Variants in OSBPL10 observed in about 807,000 individuals in gnomAD.
OSBPL10 encodes oxysterol-binding protein-related protein 10.
OSBPL10 carries 49 observed loss-of-function variants against 81.7 expected under a neutral mutation model. That is an observed-to-expected ratio of 0.60 (90% CI 0.48 to 0.76). The LOEUF (loss-of-function observed/expected upper bound fraction) is 0.76. OSBPL10 is among the 30% of genes least tolerant of loss of function. The pLI is 0.00. For missense variants in OSBPL10, 923 were observed against 987.8 expected (o/e 0.93, Z 0.88); for synonymous variants, 419 against 383.6 (o/e 1.09, Z -1.08).
chr3:31,832,680 T>C (rs1478531030), intron 3 of OSBPL10, among the ~76,000 whole-genome samples: 1 of 152,204 alleles, frequency 6.6e-6, no homozygotes, highest in African/African-American at 2.4e-5. Flanking sequence ...TAACAGGGGC[T>C]AATTTGGCAA....
chr3:31,936,856 A>C (rs190260982), intron 1 of OSBPL10, among the ~76,000 whole-genome samples: 233 of 152,362 alleles, frequency 1.5e-3, no homozygotes, highest in African/African-American at 5.4e-3. Flanking sequence ...GACATGACTT[A>C]TCACACCGTG....
At chr3:31,962,003 G>A (rs529401116) in intron 1 of OSBPL10, among the ~76,000 whole-genome samples, 86 of 151,502 alleles carry the variant, frequency 5.7e-4, no homozygotes, top group African/African-American at 2.0e-3. Flanking sequence ...CGCCCAGGCT[G>A]GAGTGCAGTG....
At chr3:31,774,458 G>C (rs565845437) in intron 4 of OSBPL10, among the ~76,000 whole-genome samples, 1 of 152,254 alleles carries the variant, frequency 6.6e-6, no homozygotes, top group African/African-American at 2.4e-5. Context: ...AGGCAGATGG[G>C]CAAGTGGAGG....
chr3:32,025,288 T>C (rs1349627281), intron 2 of OSBPL10, among the ~76,000 whole-genome samples: 1 of 152,224 alleles, frequency 6.6e-6, no homozygotes, highest in Non-Finnish European at 1.5e-5. Context: ...GTATATCACA[T>C]TAATTGATTT....
chr3:31,833,884 C>T (rs189145910), intron 3 of OSBPL10, among the ~76,000 whole-genome samples: 10 of 152,204 alleles, frequency 6.6e-5, no homozygotes, highest in East Asian at 3.9e-4. Flanking sequence ...AATTATTCCA[C>T]GGTGGATGTC....
At chr3:31,715,781 T>C (rs1296243558) in intron 6 of OSBPL10, among the ~76,000 whole-genome samples, 6 of 152,230 alleles carry the variant, frequency 3.9e-5, no homozygotes, top group African/African-American at 7.2e-5. Flanking sequence ...ATATCCACAG[T>C]TGAAATCATT....
intron 2 of OSBPL10, among the ~76,000 whole-genome samples, chr3:31,993,603 A>G (rs1699058003): frequency 6.6e-6 from 1 of 152,174 alleles, no homozygotes; most frequent in South Asian, 2.1e-4. Flanking sequence ...GATGTTCAAC[A>G]TTACTAGTCA....
In OSBPL10 at chr3:31,683,833, G is replaced by C. The variant is rs761459478; in HGVS notation, c.1527C>G (p.Ala509=). The C allele has an allele frequency of 6.2e-7, 1 of 1,614,240 alleles. No homozygotes were observed. Among genetic ancestry groups the C allele is most frequent in the Non-Finnish European group, 8.5e-7 (1 of 1,180,052 alleles). ...CGGCCATTGGGTGTTCGTGACAGCTGGCAGGAGAGCGGGAAGCAGTCCTCT... is the reference window on the plus strand; with the variant it reads ...CGGCCATTGGGTGTTCGTGACAGCTCGCAGGAGAGCGGGAAGCAGTCCTCT... The part of the protein sequence containing the change: ...KPKRTASRSP[A]SCHEHPMADD... The change falls in exon 8 of 12, where the codon GCC becomes GCG. Residue 509 remains alanine, a synonymous_variant. Coordinates refer to ENST00000396556, the MANE Select transcript of OSBPL10 (RefSeq NM_017784.5).
chr3:31,951,627 C>T, intron 1 of OSBPL10, among the ~76,000 whole-genome samples: 1 of 150,918 alleles, frequency 6.6e-6, no homozygotes, highest in Non-Finnish European at 1.5e-5. Context: ...TTATATTTTT[C>T]AAATATTAGA....
intron 3 of OSBPL10, among the ~76,000 whole-genome samples, chr3:31,848,472 T>G (rs1325138596): frequency 6.6e-6 from 1 of 152,120 alleles, no homozygotes; most frequent in Admixed American, 6.5e-5. Context: ...AGTGACTTTT[T>G]TCGTCAGTTC....
chr3:32,019,213 G>C (rs1252694470), intron 2 of OSBPL10, among the ~76,000 whole-genome samples: 1 of 152,104 alleles, frequency 6.6e-6, no homozygotes, highest in Non-Finnish European at 1.5e-5. Flanking sequence ...GGGAGTGGGG[G>C]TGATGTCGTT....
At chr3:31,876,056 A>C (rs749914664) in intron 3 of OSBPL10, among the ~76,000 whole-genome samples, 16 of 152,234 alleles carry the variant, frequency 1.1e-4, no homozygotes, top group Non-Finnish European at 2.1e-4. Flanking sequence ...TTCAGGGTCT[A>C]GGTTTTATTT....
chr3:32,077,319 G>C (rs1037218158), intron 1 of OSBPL10: 1 of 152,140 alleles, frequency 6.6e-6, no homozygotes. Context: ...AATGTTACAG[G>C]TAGTTAACCA....
chr3:31,756,966 C>G (rs1190528278), intron 4 of OSBPL10, among the ~76,000 whole-genome samples: 1 of 152,170 alleles, frequency 6.6e-6, no homozygotes, highest in Non-Finnish European at 1.5e-5. Flanking sequence ...CTGTAGTCCA[C>G]AGAGAAGGCT....
At chr3:31,998,028 A>T (rs752324916) in intron 2 of OSBPL10, among the ~76,000 whole-genome samples, 5 of 152,080 alleles carry the variant, frequency 3.3e-5, no homozygotes, top group African/African-American at 2.4e-5. Context: ...CCTGAGCTCA[A>T]GCAGTCCTCC....
intron 2 of OSBPL10, among the ~76,000 whole-genome samples, chr3:32,046,299 T>A (rs1479333231): frequency 1.3e-5 from 2 of 152,184 alleles, no homozygotes; most frequent in African/African-American, 4.8e-5. Flanking sequence ...GACGCCCTCA[T>A]CAAAATGTGT....
intron 7 of OSBPL10, among the ~76,000 whole-genome samples, chr3:31,701,190 C>T (rs990967170): frequency 5.9e-5 from 9 of 152,198 alleles, no homozygotes; most frequent in Non-Finnish European, 1.3e-4. Context: ...TGCCGCTTCC[C>T]TCTCTCTTCT....
intron 3 of OSBPL10, among the ~76,000 whole-genome samples, chr3:31,849,335 G>C (rs1297742298): frequency 6.6e-6 from 1 of 152,146 alleles, no homozygotes; most frequent in Admixed American, 6.5e-5. Flanking sequence ...GGCAATTTGA[G>C]GATACATTTA....
intron 3 of OSBPL10, among the ~76,000 whole-genome samples, chr3:31,856,191 C>G (rs913801820): frequency 6.6e-6 from 1 of 150,970 alleles, no homozygotes; most frequent in African/African-American, 2.4e-5. Context: ...TCAGGCAAGG[C>G]GGGCAGCCAA....
Sources: allele counts gnomAD v4.1 joint callset (sites outside exome capture counted in the v4.1 genomes callset), GRCh38; gene constraint gnomAD v4.1.1; transcripts MANE v1.5; gene names NCBI Gene and HGNC (gene_info 2026-07-23, HGNC 2026-07-21).